APBB2: variants seen among roughly 807,000 people sequenced by gnomAD.
The protein encoded by APBB2 is Fe65-like 1.
APBB2 carries 38 observed loss-of-function variants against 82.5 expected under a neutral mutation model. The ratio of observed to expected loss-of-function variants is 0.46; its 90% confidence interval spans 0.36 to 0.60. The LOEUF is 0.60. Among genes scored for constraint, APBB2 ranks in the 20% least tolerant of loss-of-function variants. APBB2 has a pLI of 0.00. For missense variants in APBB2, 772 were observed against 972.3 expected, an observed-to-expected ratio of 0.79 and a Z score of 2.74; for synonymous variants, 341 against 368.2, an observed-to-expected ratio of 0.93 and a Z score of 0.85.
In APBB2 at chr4:41,060,140, G is replaced by A. The variant is rs1010340486; in HGVS notation, c.-51+5436C>T. Among the ~76,000 whole-genome samples, 3 of 152,156 alleles carry A rather than the reference G, an allele frequency of 2.0e-5. No individual in the cohort carries two copies. In the South Asian group the frequency reaches 6.2e-4, roughly 32 times the overall value. ...AACCTCTACTGAAGAGACTTACAGT[G>A]AAAGCTTAACACCAAACAAGAAACA... On this transcript the variant is annotated intron_variant, in intron 4 of 17. Transcript: ENST00000508593.
intron 3 of APBB2, among the ~76,000 whole-genome samples, chr4:41,083,084 G>C (rs913063952): frequency 6.6e-6 from 1 of 152,150 alleles, no homozygotes; most frequent in Non-Finnish European, 1.5e-5. Context: ...AAAATGGCGT[G>C]AACCCGGGAG....
intron 2 of APBB2, among the ~76,000 whole-genome samples, chr4:41,117,633 T>C (rs957502953): frequency 6.6e-6 from 1 of 151,796 alleles, no homozygotes; most frequent in African/African-American, 2.4e-5. Context: ...AGAAAACAGG[T>C]TGAGAGGATG....
chr4:40,902,506 G>A (rs753456916), intron 10 of APBB2, among the ~76,000 whole-genome samples: 7 of 152,164 alleles, frequency 4.6e-5, no homozygotes, highest in Non-Finnish European at 7.3e-5. Flanking sequence ...TTGTGAAAGT[G>A]AGAAAGTCTG....
At chr4:40,972,436 A>T (rs1272590791) in intron 6 of APBB2, among the ~76,000 whole-genome samples, 2,023 of 92,140 alleles carry the variant, frequency 0.022, 47 homozygotes, top group African/African-American at 0.057. Context: ...TCAAAAAAAA[A>T]AAAAATAATA....
intron 12 of APBB2, among the ~76,000 whole-genome samples, chr4:40,872,848 G>A (rs536172681): frequency 3.3e-4 from 50 of 151,972 alleles, no homozygotes; most frequent in Non-Finnish European, 3.8e-4. Flanking sequence ...CACTTTGGGA[G>A]GCTGAGGCGG....
intron 2 of APBB2, among the ~76,000 whole-genome samples, chr4:41,102,651 T>A (rs1243081245): frequency 6.6e-6 from 1 of 152,284 alleles, no homozygotes; most frequent in East Asian, 1.9e-4. Context: ...TCCACCAGTG[T>A]GCTATGAGCC....
chr4:41,019,306 T>C (rs757464510), intron 5 of APBB2, among the ~76,000 whole-genome samples: 3 of 152,002 alleles, frequency 2.0e-5, no homozygotes, highest in South Asian at 4.2e-4. Context: ...AACAGTAAGG[T>C]AGAATCCACG....
At chr4:40,996,737 T>G (rs546146752) in intron 6 of APBB2, among the ~76,000 whole-genome samples, 4 of 152,328 alleles carry the variant, frequency 2.6e-5, no homozygotes, top group Middle Eastern at 3.4e-3. Context: ...TTCTAGAGAT[T>G]CATCCTTTCC....
intron 12 of APBB2, among the ~76,000 whole-genome samples, chr4:40,878,807 C>A (rs1243524214): frequency 6.6e-6 from 1 of 152,138 alleles, no homozygotes; most frequent in Non-Finnish European, 1.5e-5. Context: ...TTTATTCTTT[C>A]CATTTTAAGT....
intron 6 of APBB2, among the ~76,000 whole-genome samples, chr4:40,983,075 T>C (rs374110153): frequency 3.4e-4 from 52 of 152,330 alleles, no homozygotes; most frequent in African/African-American, 1.2e-3. Flanking sequence ...ATTGAGCACT[T>C]ACCATGAATT....
At chr4:41,161,819 A>G (rs1765242512) in intron 1 of APBB2, among the ~76,000 whole-genome samples, 1 of 152,204 alleles carries the variant, frequency 6.6e-6, no homozygotes, top group Non-Finnish European at 1.5e-5. Context: ...AATTCTTTAA[A>G]AACAAAACCC....
At chr4:41,082,068 G>A (rs142596435) in intron 3 of APBB2, among the ~76,000 whole-genome samples, 15 of 152,218 alleles carry the variant, frequency 9.9e-5, no homozygotes, top group African/African-American at 2.6e-4. Context: ...AACATGACAC[G>A]GAACTCTAGA....
chr4:40,910,069 C>T (rs945647811), intron 10 of APBB2, among the ~76,000 whole-genome samples: 4 of 151,894 alleles, frequency 2.6e-5, no homozygotes, highest in Admixed American at 6.6e-5. Flanking sequence ...GGTCTCCTGC[C>T]GCATCCTCCC....
At chr4:41,109,438 G>A (rs1403812291) in intron 2 of APBB2, among the ~76,000 whole-genome samples, 5 of 151,662 alleles carry the variant, frequency 3.3e-5, no homozygotes, top group Non-Finnish European at 5.9e-5. Context: ...CTACAGGGGC[G>A]TGCCACCACG....
chr4:40,818,170 C>T (rs60431120), intron 17 of APBB2, among the ~76,000 whole-genome samples: 31,385 of 152,068 alleles, frequency 0.21, 3,710 homozygotes, highest in East Asian at 0.38. Context: ...CACATACGGA[C>T]CATTCAGAGG....
intron 4 of APBB2, among the ~76,000 whole-genome samples, chr4:41,049,514 CCA>C (rs1725097915): frequency 8.7e-6 from 1 of 114,768 alleles, no homozygotes; most frequent in Admixed American, 7.9e-5. Context: ...GAGGTGGGGG[CCA>C]GCCCCCGCCC....
chr4:41,169,490 C>T lies in APBB2; in HGVS notation c.-416-26348G>A, dbSNP rs530419724. 1.1e-4 allele frequency among the ~76,000 whole-genome samples: 17 copies of T among 152,324 alleles called. No individual in the cohort carries two copies. In the South Asian group the frequency reaches 3.3e-3, roughly 30 times the overall value. On this transcript the variant is annotated intron_variant, in intron 1 of 17. Coordinates refer to ENST00000508593, the MANE Select transcript of APBB2 (RefSeq NM_004307.2). ...CATTTCTTTGTTCCACCCATTTCAG[C>T]AACTGCCAATTTTGAACCAAATGAA...
At chr4:40,841,247 G>C (rs1315868629) in intron 12 of APBB2, among the ~76,000 whole-genome samples, 2 of 152,168 alleles carry the variant, frequency 1.3e-5, no homozygotes, top group Non-Finnish European at 2.9e-5. Flanking sequence ...CAACCAGGCA[G>C]GGAGGTTACA....
chr4:41,200,040 G>A (rs554605627), intron 1 of APBB2, among the ~76,000 whole-genome samples: 1 of 152,254 alleles, frequency 6.6e-6, no homozygotes, highest in East Asian at 1.9e-4. Context: ...TGAAATCATT[G>A]TTAACCAACC....
Sources: allele counts gnomAD v4.1 joint callset (sites outside exome capture counted in the v4.1 genomes callset), GRCh38; gene constraint gnomAD v4.1.1; transcripts MANE v1.5; gene names NCBI Gene and HGNC (gene_info 2026-07-23, HGNC 2026-07-21).